The following UNC80 variants were observed in gnomAD, a reference collection of about 807,000 sequenced individuals.
UNC80 encodes protein unc-80 homolog.
A neutral mutation model predicts 384.6 loss-of-function variants in UNC80; 164 were observed. That is an observed-to-expected ratio of 0.43 (90% confidence interval 0.38 to 0.49). UNC80 has a LOEUF of 0.49. Ranked by LOEUF, UNC80 falls within the 20% of genes least tolerant of loss-of-function variation. UNC80 has a pLI of 0.00. For missense variants in UNC80, 3,330 were observed against 4,143.0 expected, an observed-to-expected ratio of 0.80 and a Z score of 5.39; for synonymous variants, 1,486 against 1,527.8, an observed-to-expected ratio of 0.97 and a Z score of 0.64.
chr2:209,879,154 C>A (rs1368733651), intron 24 of UNC80, among the ~76,000 whole-genome samples: 2 of 151,876 alleles, frequency 1.3e-5, no homozygotes, highest in Non-Finnish European at 2.9e-5. Context: ...AGTCTTTCAA[C>A]CTAATAATGA....
At chr2:209,900,171 A>G (rs1256866766) in intron 28 of UNC80, among the ~76,000 whole-genome samples, 2 of 152,198 alleles carry the variant, frequency 1.3e-5, no homozygotes, top group Non-Finnish European at 2.9e-5. Flanking sequence ...GTCTGTGTGT[A>G]TACAGGCATA....
intron 24 of UNC80, among the ~76,000 whole-genome samples, chr2:209,879,385 C>T (rs2085076158): frequency 6.6e-6 from 1 of 152,166 alleles, no homozygotes; most frequent in Non-Finnish European, 1.5e-5. Flanking sequence ...CTCCATTAGA[C>T]TGCATAAGTG....
intron 21 of UNC80, among the ~76,000 whole-genome samples, chr2:209,849,014 A>G (rs1559194401): frequency 6.6e-6 from 1 of 152,164 alleles, no homozygotes; most frequent in South Asian, 2.1e-4. Flanking sequence ...TTTGTACAGC[A>G]TGCTGTACCC....
In UNC80 at chr2:209,973,236, G is replaced by A; in HGVS notation, c.8553G>A (p.Gly2851=). The A allele has an allele frequency of 3.9e-6, 6 of 1,551,672 alleles. No individual in the cohort carries two copies. The highest frequency in any genetic ancestry group is 5.2e-6 in the Non-Finnish European group (6 of 1,146,996). The change falls in exon 56 of 65, where the codon GGG becomes GGA. Residue 2851 remains glycine (G), a synonymous_variant. Transcript: ENST00000673920. ...GDAGKDLRRE[G]LAESTSQAAY... ...CGGGGAAAGACTTGCGCAGGGAAGG[G>A]CTGGCTGAGTCCACCAGCCAAGCAG... is the stretch of plus-strand genomic sequence containing the variant.
At chr2:209,965,949 A>AAAT (rs2092730669) in intron 51 of UNC80, among the ~76,000 whole-genome samples, 1 of 151,990 alleles carries the variant, frequency 6.6e-6, no homozygotes, top group African/African-American at 2.4e-5. Context: ...AAAAAAAAAA[A>AAAT]AATCTTATTT....
At chr2:209,787,443 T>G (rs547401502) in intron 5 of UNC80, among the ~76,000 whole-genome samples, 1 of 152,316 alleles carries the variant, frequency 6.6e-6, no homozygotes, top group South Asian at 2.1e-4. Context: ...GTGTCTTAGT[T>G]TCTTACCCTG....
At chr2:209,959,413 A>C in intron 50 of UNC80, 76 bp from the exon 51 acceptor site, 1 of 1,363,364 alleles carries the variant, frequency 7.3e-7, no homozygotes, top group Non-Finnish European at 1.0e-6. Flanking sequence ...ATTTTTCTTC[A>C]GTGTGATACC....
At position 209,860,063 on chromosome 2, in the gene UNC80, A is replaced by G. The variant is rs187472860; in HGVS notation, c.3627+10440A>G. On this transcript the variant is annotated intron_variant, in intron 22 of 64. Transcript: ENST00000673920. Reference sequence around the variant, plus strand: ...ATTTGTCGATTTTTGCTTTTGTTGCAATTGCTTTTGGCATTTTTGTCATGA... The same window carrying G: ...ATTTGTCGATTTTTGCTTTTGTTGCGATTGCTTTTGGCATTTTTGTCATGA... Among the ~76,000 whole-genome samples the G allele has an allele frequency of 2.2e-3, 334 of 152,188 alleles. 1 individual carries two copies. The highest frequency in any genetic ancestry group is 7.7e-3 in the African/African-American group (321 of 41,542).
At chr2:209,772,952 C>T (rs1358573533) in intron 1 of UNC80, 142 bp from the exon 2 acceptor site, 5 of 651,320 alleles carry the variant, frequency 7.7e-6, no homozygotes, top group South Asian at 4.2e-5. Context: ...CTGTTCAACA[C>T]CTGCTCATTA....
chr2:209,882,070 CA>C (rs1255507439), intron 25 of UNC80, among the ~76,000 whole-genome samples: 3 of 151,350 alleles, frequency 2.0e-5, no homozygotes, highest in South Asian at 2.1e-4. Flanking sequence ...CAGTTCACAC[CA>C]TTCTCCTGCC....
At chr2:209,871,744 A>T (rs898710976) in intron 22 of UNC80, among the ~76,000 whole-genome samples, 6 of 151,938 alleles carry the variant, frequency 3.9e-5, no homozygotes, top group African/African-American at 7.2e-5. Flanking sequence ...AAAATCTTTC[A>T]AAGATTTCAG....
chr2:209,772,067 A>C lies in UNC80; in HGVS notation c.-6A>C. The stretch of plus-strand genomic sequence containing the variant: ...TCCTGCAGTAGGACTCCCGGGAGCC[A>C]CCATTATGGTGAAGAGGAAGAGCTC... On this transcript the variant is annotated 5_prime_UTR_variant, in exon 1 of 65. Coordinates refer to ENST00000673920, the MANE Select transcript of UNC80 (RefSeq NM_001371986.1). 1 of 1,548,438 alleles carries C rather than the reference A, an allele frequency of 6.5e-7. No homozygotes were observed. Among genetic ancestry groups the C allele is most frequent in the South Asian group, 1.2e-5 (1 of 84,006 alleles).
At position 209,840,567 on chromosome 2, in the gene UNC80, C is replaced by T. The variant is rs1574681469; in HGVS notation, c.3276C>T (p.Leu1092=). ...GGAACTGGCTGAAGAGATCATCCCTCTCAGGCCTGGCAGATGGTGTGGAGG... is the reference window on the plus strand; with the variant it reads ...GGAACTGGCTGAAGAGATCATCCCTTTCAGGCCTGGCAGATGGTGTGGAGG... ...PIGNWLKRSS[L]SGLADGVEDL... Residue 1092 remains leucine (L), a synonymous_variant, in exon 20 of 65, where the codon CTC becomes CTT. Transcript: ENST00000673920. 6.4e-7 allele frequency: 1 copy of T among 1,551,840 alleles called. No individual in the cohort carries two copies. The highest frequency in any genetic ancestry group is 1.2e-5 in the South Asian group (1 of 84,056).
intron 39 of UNC80, among the ~76,000 whole-genome samples, chr2:209,934,775 A>G (rs1303701980): frequency 6.6e-6 from 1 of 152,204 alleles, no homozygotes; most frequent in Non-Finnish European, 1.5e-5. Flanking sequence ...CACAATTGTG[A>G]GGAATAAATG....
Position 209,976,380 on chromosome 2 carries a change from C to T in UNC80, c.8772+77C>T. 6.5e-7 allele frequency: 1 copy of T among 1,531,728 alleles called. No homozygotes were observed. The highest frequency in any genetic ancestry group is 1.2e-5 in the South Asian group (1 of 83,132). 94.9% of individuals were successfully genotyped at this position (1,531,728 alleles called of 1,614,324 possible). ...GCTCTCTACTGAGGCAGGAATATGG[C>T]AGGAGTGCTCATGGTACCTACTGTT... On this transcript the variant is annotated intron_variant, in intron 57 of 64. Transcript: ENST00000673920. This position sits in a 1 kb window ranked among gnomAD's most constrained non-coding sequence, Gnocchi z 4.3.
At chr2:209,922,506 A>G in intron 35 of UNC80, 123 bp downstream of exon 35, 1 of 1,227,434 alleles carries the variant, frequency 8.1e-7, no homozygotes, top group Non-Finnish European at 1.1e-6. Context: ...ATGACTTGAC[A>G]TTCTAAAAAA....
intron 22 of UNC80, among the ~76,000 whole-genome samples, chr2:209,863,660 C>T (rs34434902): frequency 0.093 from 14,076 of 151,774 alleles, 798 homozygotes; most frequent in South Asian, 0.24. Flanking sequence ...TCACGAAGTT[C>T]TCATACTGTG....
chr2:209,993,402 A>G lies in UNC80; in HGVS notation c.9484A>G (p.Ile3162Val). The G allele has an allele frequency of 6.4e-7, 1 of 1,551,678 alleles. No individual in the cohort carries two copies. Among genetic ancestry groups the G allele is most frequent in the Non-Finnish European group, 8.7e-7 (1 of 1,146,936 alleles). Residue 3162 changes from isoleucine to valine, a missense_variant, in exon 63 of 65, where the codon ATT becomes GTT. Ile to Val is a conservative substitution (Grantham distance 29). Coordinates refer to ENST00000673920, the MANE Select transcript of UNC80 (RefSeq NM_001371986.1). ...TCGGCTGTCAACCACTCGCAGGAGCATTCAACCTAAAACGAAGCCGTCTGG... is the reference window on the plus strand; with the variant it reads ...TCGGCTGTCAACCACTCGCAGGAGCGTTCAACCTAAAACGAAGCCGTCTGG... The part of the protein sequence containing the change: ...GARLSTTRRS[I>V]QPKTKPSADQ...
chr2:209,976,084 C>T lies in UNC80; in HGVS notation c.8588-35C>T. 6.5e-7 allele frequency: 1 copy of T among 1,534,508 alleles called. No homozygotes were observed. Among genetic ancestry groups the T allele is most frequent in the Non-Finnish European group, 8.8e-7 (1 of 1,139,728 alleles). On this transcript the variant is annotated intron_variant, in intron 56 of 64. Transcript: ENST00000673920. The surrounding 1 kb of genome is among the most constrained non-coding windows in gnomAD (Gnocchi z 4.3). ...GGTTGGGTTCCTCGGAAGCACACGT[C>T]CGCAGGCTCATTTTTCTCTTTTCCC... is the stretch of plus-strand genomic sequence containing the variant.
Sources: allele counts gnomAD v4.1 joint callset (sites outside exome capture counted in the v4.1 genomes callset), GRCh38; gene constraint gnomAD v4.1.1; non-coding constraint Gnocchi (gnomAD v3.1); transcripts MANE v1.5; gene names NCBI Gene and HGNC (gene_info 2026-07-23, HGNC 2026-07-21).